DENND4B: variants seen among roughly 807,000 people sequenced by gnomAD.
DENND4B encodes DENN domain-containing protein 4B.
DENND4B carries 67 observed loss-of-function variants against 161.0 expected under a neutral mutation model. The observed-to-expected ratio is 0.42, with a 90% confidence interval of 0.34 to 0.51. The LOEUF (loss-of-function observed/expected upper bound fraction) is 0.51, where lower values mean the gene tolerates loss of function less well. Ranked by LOEUF, DENND4B falls within the 20% of genes least tolerant of loss-of-function variation. DENND4B has a pLI of 0.08. For synonymous variants in DENND4B, 753 were observed against 813.8 expected (o/e 0.93, Z 1.27); for missense variants, 1,481 against 1,968.0 (o/e 0.75, Z 4.68).
At position 153,932,050 on chromosome 1, in the gene DENND4B, G is replaced by A. The variant is rs551182639; in HGVS notation, c.3996+154C>T. On this transcript the variant is annotated intron_variant, in intron 24 of 27. Coordinates refer to ENST00000361217, the MANE Select transcript of DENND4B (RefSeq NM_014856.3). The surrounding 1 kb of genome is among the most constrained non-coding windows in gnomAD (Gnocchi z 5.8). ...TCGAACTCCTGACCTCAGGTGATTC[G>A]CCCACCTCGGCCTCCCAAAGTGCTG... The A allele has an allele frequency of 2.1e-4, 140 of 665,096 alleles. 1 individual carries two copies. In the East Asian group the frequency reaches 3.6e-3, roughly 17 times the overall value. 41.2% of individuals were successfully genotyped at this position (665,096 alleles called of 1,614,324 possible).
chr1:153,938,051 T>C (rs928507250), intron 13 of DENND4B, among the ~76,000 whole-genome samples, 188 bp from the exon 14 acceptor site: 3 of 152,120 alleles, frequency 2.0e-5, no homozygotes, highest in Non-Finnish European at 4.4e-5. Flanking sequence ...GCTGCACAGG[T>C]TGTGCACTGT....
Position 153,934,262 on chromosome 1 carries a change from C to A in DENND4B, c.2814G>T (p.Gln938His). ...TTCGCCCAGCCCAAGTAGTCTGGCG[C>A]TGAAGAGGGCGAGTAGGGGAAGGGC... ...LERPSPTRPLQRQTTWAGRSL... is the reference protein window; with the variant it reads ...LERPSPTRPLHRQTTWAGRSL... Residue 938 changes from glutamine (Q) to histidine (H), a missense_variant, in exon 19 of 28, where the codon CAG (glutamine) becomes CAT (histidine). Gln to His is a conservative substitution (Grantham distance 24). Around this residue, in one of 3 missense-constraint regions of DENND4B, gnomAD observed 339 missense variants for 330.3 expected, o/e 1.03. Transcript: ENST00000361217. This position sits in a 1 kb window ranked among gnomAD's most constrained non-coding sequence, Gnocchi z 5.3. 6.3e-7 allele frequency: 1 copy of A among 1,597,030 alleles called. No homozygotes were observed. Among genetic ancestry groups the A allele is most frequent in the East Asian group, 2.3e-5 (1 of 44,400 alleles).
rs764137281 is a variant in DENND4B, at chr1:153,930,361, G to A, written c.4427C>T (p.Ala1476Val). ...MGKEELRHRR[A>V]QMPTPKAIDC... is the part of the protein sequence containing the mutation. The stretch of plus-strand genomic sequence containing the variant: ...AATGGCCTTGGGAGTGGGCATCTGC[G>A]CCCGCCGGTGCCTCAGCTCCTCCTT... Residue 1476 changes from alanine to valine, a missense_variant, in exon 28 of 28, where the codon GCG (alanine) becomes GTG (valine). Physicochemically the swap from Ala to Val is moderately conservative, Grantham distance 64. Coordinates refer to ENST00000361217, the MANE Select transcript of DENND4B (RefSeq NM_014856.3). This position sits in a 1 kb window ranked among gnomAD's most constrained non-coding sequence, Gnocchi z 4.7. 14 of 1,613,828 alleles carry A rather than the reference G, an allele frequency of 8.7e-6. No homozygotes were observed. Among genetic ancestry groups the A allele is most frequent in the East Asian group, 2.2e-5 (1 of 44,898 alleles).
chr1:153,934,050 C>T lies in DENND4B; in HGVS notation c.2941+85G>A, dbSNP rs561327028. 9 of 1,470,740 alleles carry T rather than the reference C, an allele frequency of 6.1e-6. No homozygotes were observed. Among genetic ancestry groups the T allele is most frequent in the African/African-American group, 5.7e-5 (4 of 70,028 alleles). The allele number at this position is 1,470,740 out of a possible 1,614,324, so 91.1% of individuals were successfully genotyped here. On this transcript the variant is annotated intron_variant, in intron 19 of 27. Transcript: ENST00000361217. This position sits in a 1 kb window ranked among gnomAD's most constrained non-coding sequence, Gnocchi z 5.3. ...ACCCACCACAGAGGGCCGCCCTCCA[C>T]TCTGTTTCTGGTCTTCCCCACCTCA...
rs755138627 is a variant in DENND4B at position 153,938,883 on chromosome 1, T to C, written c.1965+17A>G. ...GAGACAGCAGAGGCCAATGAGCACA[T>C]AGAGAAGGGATGATACCTTTTCAAC... On this transcript the variant is annotated intron_variant, in intron 13 of 27. Transcript: ENST00000361217. 7.0e-6 allele frequency: 11 copies of C among 1,569,766 alleles called. No individual in the cohort carries two copies. Among genetic ancestry groups the C allele is most frequent in the Non-Finnish European group, 9.5e-6 (11 of 1,157,576 alleles).
chr1:153,930,345 G>A lies in DENND4B; in HGVS notation c.4443C>T (p.Pro1481=). 6.2e-7 allele frequency: 1 copy of A among 1,614,020 alleles called. No homozygotes were observed. Among genetic ancestry groups the A allele is most frequent in the Non-Finnish European group, 8.5e-7 (1 of 1,179,876 alleles). Residue 1481 remains proline, a synonymous_variant, in exon 28 of 28, where the codon CCC becomes CCT. Coordinates refer to ENST00000361217, the MANE Select transcript of DENND4B (RefSeq NM_014856.3). This position sits in a 1 kb window ranked among gnomAD's most constrained non-coding sequence, Gnocchi z 4.7. Reference sequence around the variant, plus strand: ...AACATTTTCGGCAGTCAATGGCCTTGGGAGTGGGCATCTGCGCCCGCCGGT... The same window carrying A: ...AACATTTTCGGCAGTCAATGGCCTTAGGAGTGGGCATCTGCGCCCGCCGGT... ...LRHRRAQMPT[P]KAIDCRKCFG...
In DENND4B at chr1:153,933,575, C is replaced by T; in HGVS notation, c.3238G>A (p.Glu1080Lys). ...GGGGGTGGCAGGTCAGGAGGCAGCT[C>T]AGGTGGGGGAATGCGGGAGGCAGGG... Reference protein sequence around the residue: ...HSPASRIPPPELPPDLPPPAR... With the variant: ...HSPASRIPPPKLPPDLPPPAR... Residue 1080 changes from glutamate (E) to lysine (K), a missense_variant, in exon 20 of 28, where the codon GAG becomes AAG. This residue lies in a region of DENND4B where 339 missense variants were observed against 330.3 expected (regional missense o/e 1.03). Coordinates refer to ENST00000361217, the MANE Select transcript of DENND4B (RefSeq NM_014856.3). The surrounding 1 kb of genome is among the most constrained non-coding windows in gnomAD (Gnocchi z 5.7). The T allele has an allele frequency of 6.4e-7, 1 of 1,562,258 alleles. No individual in the cohort carries two copies. Among genetic ancestry groups the T allele is most frequent in the Non-Finnish European group, 8.6e-7 (1 of 1,156,408 alleles).
In DENND4B at chr1:153,936,304, G is replaced by A; in HGVS notation, c.2440-116C>T. 3 of 1,435,252 alleles carry A rather than the reference G, an allele frequency of 2.1e-6. No individual in the cohort carries two copies. Among genetic ancestry groups the A allele is most frequent in the South Asian group, 1.4e-5 (1 of 72,408 alleles). The allele number at this position is 1,435,252 out of a possible 1,614,324, so 88.9% of individuals were successfully genotyped here. On this transcript the variant is annotated intron_variant, in intron 16 of 27. Transcript: ENST00000361217. This position sits in a 1 kb window ranked among gnomAD's most constrained non-coding sequence, Gnocchi z 4.1. ...TCACAGACATCACTGGCCCCTGGCA[G>A]GTCCTGGGGCTACCTCAGAGCCACC...
chr1:153,942,105 A>C lies in DENND4B; in HGVS notation c.819T>G (p.Gly273=), dbSNP rs769461350. 18 of 1,613,474 alleles carry C rather than the reference A, an allele frequency of 1.1e-5. No homozygotes were observed. Among genetic ancestry groups the C allele is most frequent in the Non-Finnish European group, 1.5e-5 (18 of 1,179,778 alleles). ...ACGCCTCGTAGAACTGCAGGGCGGC[A>C]CCATACACCTGGCAGGGGGCAGAAG... ...LTGAAGDKVY[G]AALQFYEAFP... Residue 273 remains glycine, a synonymous_variant, in exon 6 of 28, where the codon GGT becomes GGG. Coordinates refer to ENST00000361217, the MANE Select transcript of DENND4B (RefSeq NM_014856.3). The surrounding 1 kb of genome is among the most constrained non-coding windows in gnomAD (Gnocchi z 6.9).
rs748138754 is a variant in DENND4B, at chr1:153,930,066, C to T, written c.*231G>A. The T allele has an allele frequency of 6.0e-5, 36 of 601,090 alleles. No homozygotes were observed. Among genetic ancestry groups the T allele is most frequent in the Non-Finnish European group, 1.0e-4 (35 of 346,694 alleles). The allele number at this position is 601,090 out of a possible 1,614,324, so 37.2% of individuals were successfully genotyped here. A position where few individuals can be genotyped will look rare whatever the true frequency, so the allele number is the denominator to read the frequency against. Reference sequence around the variant, plus strand: ...AAGAACAGAGCTGTACCAACTCCCCCCAGATCTCCCCCAACATCAGCACGA... The same window carrying T: ...AAGAACAGAGCTGTACCAACTCCCCTCAGATCTCCCCCAACATCAGCACGA... On this transcript the variant is annotated 3_prime_UTR_variant, in exon 28 of 28. Coordinates refer to ENST00000361217, the MANE Select transcript of DENND4B (RefSeq NM_014856.3). This position sits in a 1 kb window ranked among gnomAD's most constrained non-coding sequence, Gnocchi z 4.7.
chr1:153,943,193 G>C (rs1002170933), intron 2 of DENND4B, 63 bp from the exon 3 acceptor site: 10 of 1,548,860 alleles, frequency 6.5e-6, no homozygotes, highest in Non-Finnish European at 8.8e-6. Context: ...ACCCAATCCT[G>C]CCAGATCTGC....
intron 1 of DENND4B, among the ~76,000 whole-genome samples, chr1:153,945,808 A>C (rs1191090594): frequency 6.6e-6 from 1 of 152,198 alleles, no homozygotes; most frequent in Non-Finnish European, 1.5e-5. Context: ...GGACCTGCGC[A>C]CCGGGGCCTC....
In DENND4B at chr1:153,930,977, G is replaced by T. The variant is rs1389951431; in HGVS notation, c.4084C>A (p.Pro1362Thr). ...DVLTPDPNSCPPLYVLWRVHS... is the reference protein window; with the variant it reads ...DVLTPDPNSCTPLYVLWRVHS... ...ACCCTCCAGAGCACATAGAGAGGTGGGCAGCTATTGGGGTCAGGGGTCAGT... is the reference window on the plus strand; with the variant it reads ...ACCCTCCAGAGCACATAGAGAGGTGTGCAGCTATTGGGGTCAGGGGTCAGT... The change falls in exon 25 of 28, where the codon CCA (proline) becomes ACA (threonine). Residue 1362 changes from proline to threonine, a missense_variant. Transcript: ENST00000361217. The surrounding 1 kb of genome is among the most constrained non-coding windows in gnomAD (Gnocchi z 4.7). 1.9e-6 allele frequency: 3 copies of T among 1,613,090 alleles called. No homozygotes were observed. The highest frequency in any genetic ancestry group is 3.3e-4 in the Middle Eastern group (2 of 6,058).
Position 153,942,081 on chromosome 1 carries a change from C to T in DENND4B, c.843G>A (p.Ala281=), listed in dbSNP as rs76818957. ...GCTCTGATAGCCTGGCCCTTGGGAA[C>T]GCCTCGTAGAACTGCAGGGCGGCAC... ...VYGAALQFYE[A]FPRARLSERQ... The change falls in exon 6 of 28, where the codon GCG becomes GCA. Residue 281 remains alanine (A), a synonymous_variant. Coordinates refer to ENST00000361217, the MANE Select transcript of DENND4B (RefSeq NM_014856.3). This position sits in a 1 kb window ranked among gnomAD's most constrained non-coding sequence, Gnocchi z 6.9. 1.8e-3 allele frequency: 2,828 copies of T among 1,612,892 alleles called. 27 individuals carry two copies. The African/African-American group carries it at 0.026, about 15-fold the overall frequency.
At position 153,930,125 on chromosome 1, in the gene DENND4B, G is replaced by T; in HGVS notation, c.*172C>A. On this transcript the variant is annotated 3_prime_UTR_variant, in exon 28 of 28. Coordinates refer to ENST00000361217, the MANE Select transcript of DENND4B (RefSeq NM_014856.3). This position sits in a 1 kb window ranked among gnomAD's most constrained non-coding sequence, Gnocchi z 4.7. The stretch of plus-strand genomic sequence containing the variant: ...GGTAGGTTGGTGATGGGGGAATCAG[G>T]ACTTTTGGTAACAGTGGATCCCTCT... 1 of 904,332 alleles carries T rather than the reference G, an allele frequency of 1.1e-6. No individual in the cohort carries two copies. Among genetic ancestry groups the T allele is most frequent in the South Asian group, 1.8e-5 (1 of 56,100 alleles). The allele number at this position is 904,332 out of a possible 1,614,324, so 56.0% of individuals were successfully genotyped here. A position where few individuals can be genotyped will look rare whatever the true frequency, so the allele number is the denominator to read the frequency against.
chr1:153,942,885 G>A lies in DENND4B; in HGVS notation c.563C>T (p.Pro188Leu). The change falls in exon 3 of 28, where the codon CCT (proline) becomes CTT (leucine). Residue 188 changes from proline to leucine, a missense_variant. This residue lies in a region of DENND4B where 806 missense variants were observed against 1,134.4 expected (regional missense o/e 0.71). Coordinates refer to ENST00000361217, the MANE Select transcript of DENND4B (RefSeq NM_014856.3). The surrounding 1 kb of genome is among the most constrained non-coding windows in gnomAD (Gnocchi z 6.9). ...TYCRLPRNLN[P>L]GMWGPAVYLC... ...GCTCTTGGCCCCACTCACCATGCCA[G>A]GGTTGAGGTTGCGGGGCAGCCGGCA... The A allele has an allele frequency of 6.3e-7, 1 of 1,599,158 alleles. No homozygotes were observed. Among genetic ancestry groups the A allele is most frequent in the South Asian group, 1.1e-5 (1 of 90,208 alleles).
rs891654361 is a variant in DENND4B at position 153,934,323 on chromosome 1, T to A, written c.2774-21A>T. ...GGGCTCTGTAAAAGACGAGAAGGGG[T>A]TTAGAGGCGGCCAGCTAGGAACCCA... On this transcript the variant is annotated intron_variant, in intron 18 of 27. Coordinates refer to ENST00000361217, the MANE Select transcript of DENND4B (RefSeq NM_014856.3). This position sits in a 1 kb window ranked among gnomAD's most constrained non-coding sequence, Gnocchi z 5.3. The A allele has an allele frequency of 2.6e-6, 4 of 1,560,518 alleles. No individual in the cohort carries two copies. The highest frequency in any genetic ancestry group is 1.7e-4 in the Middle Eastern group (1 of 5,938).
At position 153,939,693 on chromosome 1, in the gene DENND4B, C is replaced by T. The variant is rs1321605372; in HGVS notation, c.1715G>A (p.Arg572His). Residue 572 changes from arginine to histidine, a missense_variant, in exon 12 of 28, where the codon CGC (arginine) becomes CAC (histidine). By Grantham distance (29) the Arg-to-His change is conservative. Coordinates refer to ENST00000361217, the MANE Select transcript of DENND4B (RefSeq NM_014856.3). Reference sequence around the variant, plus strand: ...GCCCTTGAGCAGACAGGCCATGAAGCGGAGGAAGGCTCCTTGGACTTCGCG... The same window carrying T: ...GCCCTTGAGCAGACAGGCCATGAAGTGGAGGAAGGCTCCTTGGACTTCGCG... ...LEREVQGAFL[R>H]FMACLLKGYR... 4 of 1,613,830 alleles carry T rather than the reference C, an allele frequency of 2.5e-6. No homozygotes were observed. The highest frequency in any genetic ancestry group is 3.4e-6 in the Non-Finnish European group (4 of 1,179,896).
chr1:153,937,148 AAGG>A lies in DENND4B; in HGVS notation c.2232+337_2232+339del, dbSNP rs1028828368. ...TTCTCTGAGGAAGGGTCTGTGCTCT[AAGG>A]AGGAGAAGGGATGCTGTACTTCACA... is the stretch of plus-strand genomic sequence containing the variant. On this transcript the variant is annotated intron_variant, in intron 15 of 27. Transcript: ENST00000361217. This position sits in a 1 kb window ranked among gnomAD's most constrained non-coding sequence, Gnocchi z 4.7. Among the ~76,000 whole-genome samples, 6 of 152,132 alleles carry A rather than the reference AAGG, an allele frequency of 3.9e-5. No individual in the cohort carries two copies. Among genetic ancestry groups the A allele is most frequent in the African/African-American group, 1.2e-4 (5 of 41,430 alleles).
Sources: allele counts gnomAD v4.1 joint callset (sites outside exome capture counted in the v4.1 genomes callset), GRCh38; gene constraint gnomAD v4.1.1; regional missense constraint gnomAD v4.1.1; non-coding constraint Gnocchi (gnomAD v3.1); transcripts MANE v1.5; gene names NCBI Gene and HGNC (gene_info 2026-07-23, HGNC 2026-07-21).